Variants in PPP6R1 observed in about 807,000 individuals in gnomAD.
PPP6R1 encodes the protein protein phosphatase 6 regulatory subunit 1.
A neutral mutation model predicts 104.6 loss-of-function variants in PPP6R1; 39 were observed. That is an observed-to-expected ratio of 0.37 (90% confidence interval 0.29 to 0.49). The LOEUF (loss-of-function observed/expected upper bound fraction) is 0.49, where lower values mean the gene tolerates loss of function less well. Among genes scored for constraint, PPP6R1 ranks in the 20% least tolerant of loss-of-function variants. The probability of loss-of-function intolerance (pLI) is 0.98; values close to 1 mark genes in which losing one functional copy is unlikely to be tolerated. For synonymous variants in PPP6R1, 549 were observed against 479.0 expected, an observed-to-expected ratio of 1.15 and a Z score of -1.91; for missense variants, 1,181 against 1,155.8, an observed-to-expected ratio of 1.02 and a Z score of -0.32.
rs1159373035 is a variant in PPP6R1 at position 55,230,870 on chromosome 19, G to A, written c.2474C>T (p.Pro825Leu). 6.2e-7 allele frequency: 1 copy of A among 1,606,906 alleles called. No individual in the cohort carries two copies. Among genetic ancestry groups the A allele is most frequent in the Non-Finnish European group, 8.5e-7 (1 of 1,179,292 alleles). Reference sequence around the variant, plus strand: ...CCCGGAGGCTGGGACAGAGGTAGAGGGGTCTCTGGTTGCACTGTGGGTGAG... The same window carrying A: ...CCCGGAGGCTGGGACAGAGGTAGAGAGGTCTCTGGTTGCACTGTGGGTGAG... ...PSSSDSATRD[P>L]STSVPASGAH... Residue 825 changes from proline to leucine, a missense_variant, in exon 22 of 24, where the codon CCC (proline) becomes CTC (leucine). Pro to Leu is a moderately conservative substitution (Grantham distance 98). This residue lies in a region of PPP6R1 where 1,042 missense variants were observed against 955.6 expected (regional missense o/e 1.09). Coordinates refer to ENST00000412770, the MANE Select transcript of PPP6R1 (RefSeq NM_014931.4).
chr19:55,250,732 A>C (rs2087546437), intron 1 of PPP6R1, among the ~76,000 whole-genome samples: 1 of 151,998 alleles, frequency 6.6e-6, no homozygotes, highest in Non-Finnish European at 1.5e-5. Context: ...AAATCTAGGG[A>C]CTTATCAGGC....
Position 55,241,454 on chromosome 19 carries a change from G to C in PPP6R1, c.1008+23C>G. On this transcript the variant is annotated intron_variant, in intron 8 of 23. Transcript: ENST00000412770. The surrounding 1 kb of genome is among the most constrained non-coding windows in gnomAD (Gnocchi z 5.4). ...CTTCCTGCTTCCCCCGCCTCCCCGA[G>C]GACCAGAACCCACACCCCTGACCTT... The C allele has an allele frequency of 1.3e-6, 2 of 1,599,060 alleles. No individual in the cohort carries two copies. The highest frequency in any genetic ancestry group is 1.7e-6 in the Non-Finnish European group (2 of 1,171,004).
chr19:55,244,151 T>C (rs1011566768), intron 5 of PPP6R1, among the ~76,000 whole-genome samples: 6 of 152,194 alleles, frequency 3.9e-5, no homozygotes, highest in Admixed American at 3.9e-4. Context: ...AGTGTGGCCC[T>C]GGGCCATGCC....
In PPP6R1 at chr19:55,245,777, T is replaced by TG; in HGVS notation, c.228-100dup. ...TTCTCTGCACCGGGCACTGGGTTTC[T>TG]GGGAACTGCAGAGACCCCTGTCCAG... On this transcript the variant is annotated intron_variant, in intron 2 of 23. Transcript: ENST00000412770. This position sits in a 1 kb window ranked among gnomAD's most constrained non-coding sequence, Gnocchi z 6.4. 9.7e-7 allele frequency: 1 copy of TG among 1,030,214 alleles called. No homozygotes were observed. The highest frequency in any genetic ancestry group is 1.4e-6 in the Non-Finnish European group (1 of 706,092). The allele number at this position is 1,030,214 out of a possible 1,614,324, so 63.8% of individuals were successfully genotyped here.
At chr19:55,244,439 G>C (rs949679630) in intron 5 of PPP6R1, among the ~76,000 whole-genome samples, 1 of 152,214 alleles carries the variant, frequency 6.6e-6, no homozygotes, top group Non-Finnish European at 1.5e-5. Context: ...CAAGGCTGCT[G>C]GACGGACACT....
Position 55,254,792 on chromosome 19 carries a change from G to A in PPP6R1, c.-7+3643C>T, listed in dbSNP as rs188065164. On this transcript the variant is annotated intron_variant, in intron 1 of 23. Transcript: ENST00000412770. The stretch of plus-strand genomic sequence containing the variant: ...TCCTTAAAGGGCCCAGAGTCCGGAG[G>A]ACAGCAAGACCATCTCCCTCTAATG... 1.8e-3 allele frequency among the ~76,000 whole-genome samples: 277 copies of A among 152,308 alleles called. 1 individual carries two copies. Among genetic ancestry groups the A allele is most frequent in the Admixed American group, 5.1e-3 (78 of 15,302 alleles).
At position 55,258,719 on chromosome 19, in the gene PPP6R1, G is replaced by A. The variant is rs2087615881; in HGVS notation, c.-291C>T. 1 of 151,900 alleles carries A rather than the reference G, an allele frequency of 6.6e-6. No homozygotes were observed. The highest frequency in any genetic ancestry group is 1.5e-5 in the Non-Finnish European group (1 of 67,954). The allele number at this position is 151,900 out of a possible 1,614,324, so 9.4% of individuals were successfully genotyped here. A position where few individuals can be genotyped will look rare whatever the true frequency, so the allele number is the denominator to read the frequency against. On this transcript the variant is annotated 5_prime_UTR_variant, in exon 1 of 24. Transcript: ENST00000412770. ...CGCGTAGGCACCTCCGGGGTCCGCAGGCGAGGTGGGCGTGCGGGCCGAGGC... is the reference window on the plus strand; with the variant it reads ...CGCGTAGGCACCTCCGGGGTCCGCAAGCGAGGTGGGCGTGCGGGCCGAGGC...
At position 55,258,500 on chromosome 19, in the gene PPP6R1, C is replaced by G. The variant is rs1002802898; in HGVS notation, c.-72G>C. 4.0e-5 allele frequency: 6 copies of G among 149,896 alleles called. No homozygotes were observed. Among genetic ancestry groups the G allele is most frequent in the Non-Finnish European group, 5.9e-5 (4 of 67,286 alleles). 9.3% of individuals were successfully genotyped at this position (149,896 alleles called of 1,614,324 possible). ...CGGGGCGCCCCCCCCCGCCCCGCCG[C>G]CGGCGGCTCCGGCCCCTGCTGCGGG... On this transcript the variant is annotated 5_prime_UTR_variant, in exon 1 of 24. Coordinates refer to ENST00000412770, the MANE Select transcript of PPP6R1 (RefSeq NM_014931.4).
chr19:55,235,486 C>T (rs1206003632), intron 17 of PPP6R1, among the ~76,000 whole-genome samples: 1 of 151,508 alleles, frequency 6.6e-6, no homozygotes, highest in Admixed American at 6.6e-5. Context: ...TTATCCCTTT[C>T]TTTTCATAAC....
rs1345744777 is a variant in PPP6R1 at position 55,239,434 on chromosome 19, C to A, written c.1722G>T (p.Glu574Asp). The change falls in exon 15 of 24, where the codon GAG (glutamate) becomes GAT (aspartate). Residue 574 changes from glutamate (E) to aspartate (D), a missense_variant. Coordinates refer to ENST00000412770, the MANE Select transcript of PPP6R1 (RefSeq NM_014931.4). Reference protein sequence around the residue: ...AFIDHFGFNDEEFGEQEESVN... With the variant: ...AFIDHFGFNDDEFGEQEESVN... The stretch of plus-strand genomic sequence containing the variant: ...CACTCTCCTCCTGCTCCCCAAACTC[C>A]TCATCATTGAAGCCGAAGTGGTCAA... 2 of 1,614,006 alleles carry A rather than the reference C, an allele frequency of 1.2e-6. No homozygotes were observed. The highest frequency in any genetic ancestry group is 1.3e-5 in the African/African-American group (1 of 75,060).
rs772281298 is a variant in PPP6R1, at chr19:55,231,883, G to C, written c.2225C>G (p.Pro742Arg). The change falls in exon 19 of 24, where the codon CCA (proline) becomes CGA (arginine). Residue 742 changes from proline to arginine, a missense_variant. By Grantham distance (103) the Pro-to-Arg change is moderately radical. Around this residue, in one of 2 missense-constraint regions of PPP6R1, gnomAD observed 1,042 missense variants for 955.6 expected, o/e 1.09. Transcript: ENST00000412770. The part of the protein sequence containing the change: ...EEELHTGPPA[P>R]QGPLSVPQGL... ...CTGGGGCACACTGAGGGGCCCCTGT[G>C]GGGCTGGAGGCCCAGTGTGCAGCTC... is the stretch of plus-strand genomic sequence containing the variant. 1.3e-6 allele frequency: 2 copies of C among 1,508,950 alleles called. No homozygotes were observed. The highest frequency in any genetic ancestry group is 2.7e-5 in the South Asian group (2 of 74,376). The allele number at this position is 1,508,950 out of a possible 1,614,324, so 93.5% of individuals were successfully genotyped here.
rs774457916 is a variant in PPP6R1, at chr19:55,242,181, T to A, written c.830A>T (p.Glu277Val). The A allele has an allele frequency of 3.9e-5, 63 of 1,613,076 alleles. No homozygotes were observed. In the South Asian group the frequency reaches 6.6e-4, roughly 17 times the overall value. ...SGIQVLLTLL[E>V]PRRPRSESVT... ...TATCCCTCACCTCGGCCTCCTGGGC[T>A]CCAGCAGGGTCAGCAGCACCTGGAT... The change falls in exon 7 of 24, where the codon GAG becomes GTG. Residue 277 changes from glutamate (E) to valine (V), a missense_variant. Transcript: ENST00000412770.
chr19:55,230,750 C>CCCCCCCCCCG, intron 22 of PPP6R1, 24 bp downstream of exon 22: 3 of 1,473,474 alleles, frequency 2.0e-6, no homozygotes, highest in Non-Finnish European at 1.8e-6. Flanking sequence ...CCCCACCCCC[C>CCCCCCCCCCG]CGCCCTGCTG....
At chr19:55,247,702 G>A (rs184914035) in intron 1 of PPP6R1, among the ~76,000 whole-genome samples, 73 of 152,304 alleles carry the variant, frequency 4.8e-4, no homozygotes, top group African/African-American at 1.6e-3. Flanking sequence ...ATGGGGCGGC[G>A]GCAGGGGGAA....
chr19:55,239,412 T>A lies in PPP6R1; in HGVS notation c.1744A>T (p.Ser582Cys), dbSNP rs1364349904. 1 of 1,613,158 alleles carries A rather than the reference T, an allele frequency of 6.2e-7. No individual in the cohort carries two copies. The highest frequency in any genetic ancestry group is 8.5e-7 in the Non-Finnish European group (1 of 1,179,344). Residue 582 changes from serine to cysteine, a missense_variant, in exon 15 of 24, where the codon AGT (serine) becomes TGT (cysteine). Physicochemically the swap from Ser to Cys is moderately radical, Grantham distance 112 (BLOSUM62 -1). Around this residue, in one of 2 missense-constraint regions of PPP6R1, gnomAD observed 1,042 missense variants for 955.6 expected, o/e 1.09. Coordinates refer to ENST00000412770, the MANE Select transcript of PPP6R1 (RefSeq NM_014931.4). ...TGCGCAGGAGACACTCACTTCACAC[T>A]CTCCTCCTGCTCCCCAAACTCCTCA... ...NDEEFGEQEE[S>C]VNAPFDKTAN... is the part of the protein sequence containing the mutation.
Position 55,239,638 on chromosome 19 carries a change from G to C in PPP6R1, c.1609C>G (p.Arg537Gly), listed in dbSNP as rs759559770. Residue 537 changes from arginine (R) to glycine (G), a missense_variant, in exon 14 of 24, where the codon CGG becomes GGG. Arg to Gly is a moderately radical substitution (Grantham distance 125). Around this residue, in one of 2 missense-constraint regions of PPP6R1, gnomAD observed 1,042 missense variants for 955.6 expected, o/e 1.09. Transcript: ENST00000412770. ...TCAGGGAAGTTGAACTCCTTGAGCC[G>C]GTCGTCCTCATCGTCACTGGAGGAG... ...LHSSSDDEDDRLKEFNFPEEA... is the reference protein window; with the variant it reads ...LHSSSDDEDDGLKEFNFPEEA... 6.2e-7 allele frequency: 1 copy of C among 1,612,136 alleles called. No individual in the cohort carries two copies. The highest frequency in any genetic ancestry group is 2.2e-5 in the East Asian group (1 of 44,826).
At chr19:55,246,698 C>A (rs1045047929) in intron 2 of PPP6R1, among the ~76,000 whole-genome samples, 179 bp downstream of exon 2, 1 of 152,210 alleles carries the variant, frequency 6.6e-6, no homozygotes, top group African/African-American at 2.4e-5. Flanking sequence ...CAGGCTTGGT[C>A]TGCACCCGGT....
intron 1 of PPP6R1, among the ~76,000 whole-genome samples, chr19:55,247,914 C>G (rs1810540264): frequency 6.6e-6 from 1 of 152,192 alleles, no homozygotes; most frequent in South Asian, 2.1e-4. Flanking sequence ...GGGGGAAGAA[C>G]AAAGCTGGCA....
At chr19:55,236,485 A>G (rs1306623718) in intron 17 of PPP6R1, 158 bp downstream of exon 17, 8 of 797,010 alleles carry the variant, frequency 1.0e-5, no homozygotes, top group Non-Finnish European at 1.5e-5. Context: ...TTAGATTTCT[A>G]TCACTCAAAA....
Sources: gnomAD v4.1 joint callset for allele counts (sites outside exome capture counted in the v4.1 genomes callset) on GRCh38, gnomAD v4.1.1 for gene constraint, gnomAD v4.1.1 regional missense constraint, Gnocchi (gnomAD v3.1) non-coding constraint, MANE v1.5 for transcripts, NCBI Gene and HGNC (gene_info 2026-07-23, HGNC 2026-07-21) for gene names.